AK9: variants seen among roughly 807,000 people sequenced by gnomAD.
The protein encoded by AK9 is adenylate kinase domain containing 1.
A neutral mutation model predicts 239.6 loss-of-function variants in AK9; 191 were observed. The ratio of observed to expected loss-of-function variants is 0.80; its 90% CI spans 0.71 to 0.90. The LOEUF (loss-of-function observed/expected upper bound fraction) is 0.90, where lower values mean the gene tolerates loss of function less well. Among genes scored for constraint, AK9 ranks in the 40% least tolerant of loss-of-function variants. The pLI is 0.00. For synonymous variants in AK9, 689 were observed against 721.0 expected, an observed-to-expected ratio of 0.96 and a Z score of 0.71; for missense variants, 1,995 against 2,214.7, an observed-to-expected ratio of 0.90 and a Z score of 1.99.
intron 27 of AK9, among the ~76,000 whole-genome samples, chr6:109,535,195 T>A (rs1781816316): frequency 6.6e-6 from 1 of 152,210 alleles, no homozygotes; most frequent in Non-Finnish European, 1.5e-5. Context: ...TCTTCCACAA[T>A]GGTTGAACTA....
intron 8 of AK9, among the ~76,000 whole-genome samples, chr6:109,655,506 C>G (rs1467505720): frequency 6.6e-6 from 1 of 152,140 alleles, no homozygotes; most frequent in African/African-American, 2.4e-5. Flanking sequence ...AGTGTGGTTT[C>G]ATCTATTTAA....
intron 28 of AK9, among the ~76,000 whole-genome samples, chr6:109,530,930 C>T (rs1781148735): frequency 6.6e-6 from 1 of 152,140 alleles, no homozygotes; most frequent in African/African-American, 2.4e-5. Context: ...GTAGTCCCAG[C>T]TACTTGGGAG....
At chr6:109,607,098 G>A (rs1426955190) in intron 17 of AK9, among the ~76,000 whole-genome samples, 1 of 151,762 alleles carries the variant, frequency 6.6e-6, no homozygotes, top group Non-Finnish European at 1.5e-5. Context: ...TTTAATGGGA[G>A]GCACAGTTTT....
intron 27 of AK9, among the ~76,000 whole-genome samples, chr6:109,536,009 C>A (rs1384425369): frequency 6.6e-6 from 1 of 152,112 alleles, no homozygotes; most frequent in African/African-American, 2.4e-5. Context: ...GTTACTGTAG[C>A]CTTGTAGTAT....
chr6:109,640,374 C>T (rs1797252064), intron 10 of AK9, among the ~76,000 whole-genome samples: 1 of 152,156 alleles, frequency 6.6e-6, no homozygotes, highest in South Asian at 2.1e-4. Context: ...AATCCCCGGA[C>T]CCCTTGCACT....
At chr6:109,545,478 C>T (rs1783428668) in intron 26 of AK9, among the ~76,000 whole-genome samples, 1 of 152,188 alleles carries the variant, frequency 6.6e-6, no homozygotes, top group Non-Finnish European at 1.5e-5. Flanking sequence ...TGAATAGTCT[C>T]ACAAAATCTG....
chr6:109,542,229 T>C (rs965425830), intron 26 of AK9, 58 bp from the exon 27 acceptor site: 39 of 1,468,034 alleles, frequency 2.7e-5, no homozygotes, highest in Non-Finnish European at 3.0e-5. Context: ...AATAATTGCA[T>C]GTTCTCACTC....
chr6:109,552,462 T>C (rs955938857), intron 24 of AK9, among the ~76,000 whole-genome samples: 1 of 152,228 alleles, frequency 6.6e-6, no homozygotes, highest in Non-Finnish European at 1.5e-5. Flanking sequence ...ATCAGTGATG[T>C]TGAGCTTTTT....
At chr6:109,558,867 CTTT>C (rs34860829) in intron 24 of AK9, among the ~76,000 whole-genome samples, 9 of 141,702 alleles carry the variant, frequency 6.4e-5, no homozygotes, top group Non-Finnish European at 9.2e-5. Context: ...GGTATATTTA[CTTT>C]TTTTTTTTTT....
intron 1 of AK9, among the ~76,000 whole-genome samples, chr6:109,676,535 TGTAAACAGTAAAATAGCA>T (rs1338826487): frequency 1.3e-5 from 2 of 152,066 alleles, no homozygotes; most frequent in Non-Finnish European, 2.9e-5. Context: ...ATTTCTATTA[TGTAAACAGTAAAATAGCA>T]TGAGACATAT....
intron 17 of AK9, among the ~76,000 whole-genome samples, chr6:109,606,658 G>A (rs1349362050): frequency 2.0e-5 from 3 of 152,118 alleles, no homozygotes; most frequent in Non-Finnish European, 4.4e-5. Context: ...CTTTCATATA[G>A]CCAGTGTAAC....
chr6:109,641,279 C>A (rs969238002), intron 10 of AK9, among the ~76,000 whole-genome samples: 5 of 149,920 alleles, frequency 3.3e-5, no homozygotes, highest in Middle Eastern at 3.2e-3. Context: ...AGCAATCCTC[C>A]CGTCTCAGCT....
Position 109,674,224 on chromosome 6 carries a change from T to A in AK9, c.155A>T (p.Gln52Leu). ...GKTTLARYIT[Q>L]AWKCIRVEAL... ...TTCAACACGAATACATTTCCATGCC[T>A]GTGTTATGTAACGGGCTAATGTTGT... Residue 52 changes from glutamine (Q) to leucine (L), a missense_variant, in exon 3 of 41, where the codon CAG becomes CTG. By Grantham distance (113) the Gln-to-Leu change is moderately radical (BLOSUM62 -2). Coordinates refer to ENST00000424296, the MANE Select transcript of AK9 (RefSeq NM_001145128.3). 6.3e-7 allele frequency: 1 copy of A among 1,591,080 alleles called. No individual in the cohort carries two copies. The highest frequency in any genetic ancestry group is 2.3e-5 in the East Asian group (1 of 44,146).
intron 26 of AK9, among the ~76,000 whole-genome samples, chr6:109,545,451 T>C (rs1783425302): frequency 6.6e-6 from 1 of 152,172 alleles, no homozygotes. Flanking sequence ...GCCTTTCCCA[T>C]GCTGTTCTTG....
chr6:109,514,519 T>A, intron 31 of AK9, 82 bp from the exon 32 acceptor site: 1 of 1,235,424 alleles, frequency 8.1e-7, no homozygotes, highest in Non-Finnish European at 1.1e-6. Flanking sequence ...AAAAAACAAT[T>A]CGTGACATAA....
chr6:109,651,196 C>T (rs1208492247), intron 8 of AK9, among the ~76,000 whole-genome samples: 4 of 151,534 alleles, frequency 2.6e-5, no homozygotes, highest in African/African-American at 9.7e-5. Flanking sequence ...CAAACCTGCA[C>T]GTTGTGCACA....
In AK9 at chr6:109,545,998, G is replaced by A. The variant is rs1783507540; in HGVS notation, c.3094C>T (p.Leu1032Phe). The A allele has an allele frequency of 1.9e-6, 3 of 1,614,066 alleles. No homozygotes were observed. Among genetic ancestry groups the A allele is most frequent in the Admixed American group, 1.7e-5 (1 of 60,002 alleles). Residue 1032 changes from leucine to phenylalanine, a missense_variant, in exon 26 of 41, where the codon CTC becomes TTC. Physicochemically the swap from Leu to Phe is conservative, Grantham distance 22. Coordinates refer to ENST00000424296, the MANE Select transcript of AK9 (RefSeq NM_001145128.3). ...FEEVLQEKLL[L>F]KTEKKVGPEF... The stretch of plus-strand genomic sequence containing the variant: ...GGTCCCACTTTCTTTTCAGTTTTGA[G>A]TAGTAGTTTTTCTTGAAGAACTTCT...
chr6:109,641,613 C>T lies in AK9; in HGVS notation c.838G>A (p.Val280Ile), dbSNP rs554765241. The stretch of plus-strand genomic sequence containing the variant: ...TTCAGATATTTAAGTCGATCCATAA[C>T]AATCTAGATTTAAAGAACAGATATT... ...NKPAEELFMIVMDRLKYLNLK... is the reference protein window; with the variant it reads ...NKPAEELFMIIMDRLKYLNLK... Residue 280 changes from valine to isoleucine, a missense_variant, in exon 10 of 41, where the codon GTT becomes ATT. Physicochemically the swap from Val to Ile is conservative, Grantham distance 29. This residue lies in a region of AK9 where 1,290 missense variants were observed against 1,392.7 expected (regional missense o/e 0.93). Coordinates refer to ENST00000424296, the MANE Select transcript of AK9 (RefSeq NM_001145128.3). 4 of 1,608,432 alleles carry T rather than the reference C, an allele frequency of 2.5e-6. No individual in the cohort carries two copies. The East Asian group carries it at 8.9e-5, about 36-fold the overall frequency.
chr6:109,632,196 A>ATCC (rs1583333756), intron 12 of AK9: 2 of 985,376 alleles, frequency 2.0e-6, no homozygotes, highest in East Asian at 2.3e-4. Flanking sequence ...AAGCAAATAG[A>ATCC]AAATGATACT....
Sources: allele counts gnomAD v4.1 joint callset (sites outside exome capture counted in the v4.1 genomes callset), GRCh38; gene constraint gnomAD v4.1.1; regional missense constraint gnomAD v4.1.1; transcripts MANE v1.5; gene names NCBI Gene and HGNC (gene_info 2026-07-23, HGNC 2026-07-21).